Variants in RBFOX1 observed in about 807,000 individuals in gnomAD.
RBFOX1 encodes RNA binding protein fox-1 homolog 1.
Under a neutral mutation model 57.7 loss-of-function variants are expected in RBFOX1, and 8 were observed. The observed-to-expected ratio is 0.14, with a 90% confidence interval of 0.08 to 0.25. The LOEUF is 0.25. Among genes scored for constraint, RBFOX1 ranks in the 10% least tolerant of loss-of-function variants. The pLI is 1.00. For missense variants in RBFOX1, 611 were observed against 548.5 expected (o/e 1.11, Z -1.14); for synonymous variants, 326 against 222.4 (o/e 1.47, Z -4.15).
intron 4 of RBFOX1, among the ~76,000 whole-genome samples, chr16:7,455,656 G>C (rs572958002): frequency 2.6e-5 from 4 of 151,428 alleles, no homozygotes; most frequent in Non-Finnish European, 4.4e-5. Flanking sequence ...AATTAGCCAG[G>C]CGTGGTTGTA....
At chr16:6,554,064 G>A (rs1333085940) in intron 2 of RBFOX1, among the ~76,000 whole-genome samples, 1 of 150,404 alleles carries the variant, frequency 6.6e-6, no homozygotes, top group Non-Finnish European at 1.5e-5. Flanking sequence ...ATAAATAAGT[G>A]CTGGCCTTAA....
intron 2 of RBFOX1, among the ~76,000 whole-genome samples, chr16:6,528,429 A>T (rs1234166765): frequency 6.6e-6 from 1 of 152,200 alleles, no homozygotes; most frequent in African/African-American, 2.4e-5. Context: ...AGCCAATAAA[A>T]CATGACCTTG....
At chr16:6,845,183 T>G (rs555643219) in intron 3 of RBFOX1, among the ~76,000 whole-genome samples, 7 of 152,306 alleles carry the variant, frequency 4.6e-5, no homozygotes, top group African/African-American at 1.7e-4. Context: ...TTAGTTTAAT[T>G]AGATCCCATT....
At chr16:6,717,521 C>A (rs1263912654) in intron 3 of RBFOX1, among the ~76,000 whole-genome samples, 7 of 151,554 alleles carry the variant, frequency 4.6e-5, no homozygotes. Flanking sequence ...ATTTAACAAC[C>A]AAAAATTGTG....
intron 3 of RBFOX1, among the ~76,000 whole-genome samples, chr16:6,897,404 C>T (rs1279368255): frequency 1.3e-5 from 2 of 151,376 alleles, no homozygotes; most frequent in African/African-American, 4.9e-5. Flanking sequence ...CTCCGTCACA[C>T]ACACACAAAA....
At chr16:5,811,024 C>T (rs1167059097) in intron 3 of RBFOX1, among the ~76,000 whole-genome samples, 1 of 152,068 alleles carries the variant, frequency 6.6e-6, no homozygotes, top group African/African-American at 2.4e-5. Context: ...CCTTTGCAGT[C>T]CCTCGCTCCT....
At chr16:7,336,988 A>G (rs1467290756) in intron 4 of RBFOX1, among the ~76,000 whole-genome samples, 1 of 152,214 alleles carries the variant, frequency 6.6e-6, no homozygotes, top group African/African-American at 2.4e-5. Context: ...TGAGGGCTTT[A>G]CATAATCAGC....
rs1597837933 is a variant in RBFOX1 at position 6,478,975 on chromosome 16, A to C, written c.-64+161918A>C. Among the ~76,000 whole-genome samples, 4 of 152,342 alleles carry C rather than the reference A, an allele frequency of 2.6e-5. No individual in the cohort carries two copies. The South Asian group carries it at 8.3e-4, about 32-fold the overall frequency. ...AAAGTGAGCACTTGCTACTGAAAAA[A>C]AGTGGCACCAATAGACTTGCTCAGC... On this transcript the variant is annotated intron_variant, in intron 2 of 15. Transcript: ENST00000550418.
At chr16:7,684,196 C>G (rs1250675832) in intron 14 of RBFOX1, among the ~76,000 whole-genome samples, 1 of 152,072 alleles carries the variant, frequency 6.6e-6, no homozygotes, top group Non-Finnish European at 1.5e-5. Context: ...TGCATGTAAG[C>G]AGTCACCAGA....
At chr16:7,117,976 T>G (rs1203936210) in intron 4 of RBFOX1, among the ~76,000 whole-genome samples, 2 of 152,186 alleles carry the variant, frequency 1.3e-5, no homozygotes, top group Non-Finnish European at 2.9e-5. Flanking sequence ...TGCTATAATC[T>G]TATGCAATCA....
At chr16:5,844,121 G>C (rs911121732) in intron 3 of RBFOX1, among the ~76,000 whole-genome samples, 1 of 152,188 alleles carries the variant, frequency 6.6e-6, no homozygotes. Context: ...CTCCTTCTGA[G>C]ACTAAAGCTT....
chr16:6,938,630 G>C (rs913468640), intron 3 of RBFOX1, among the ~76,000 whole-genome samples: 1 of 152,038 alleles, frequency 6.6e-6, no homozygotes, highest in Non-Finnish European at 1.5e-5. Flanking sequence ...GTTTATAGGA[G>C]GACAATCTAG....
chr16:7,145,310 T>C (rs966838730), intron 4 of RBFOX1, among the ~76,000 whole-genome samples: 1 of 152,178 alleles, frequency 6.6e-6, no homozygotes, highest in Admixed American at 6.5e-5. Flanking sequence ...GTACAAGAGA[T>C]TCTCCTGCCT....
intron 2 of RBFOX1, among the ~76,000 whole-genome samples, chr16:6,544,505 T>C (rs920424959): frequency 3.3e-5 from 5 of 152,198 alleles, no homozygotes; most frequent in Admixed American, 3.3e-4. Context: ...ATTTTTCATG[T>C]GAATTCAACT....
intron 2 of RBFOX1, among the ~76,000 whole-genome samples, chr16:5,561,765 G>A (rs562652521): frequency 4.9e-4 from 75 of 152,236 alleles, no homozygotes; most frequent in African/African-American, 1.7e-3. Context: ...GGGTGAGAGG[G>A]TCACTTGTTC....
intron 1 of RBFOX1, among the ~76,000 whole-genome samples, chr16:6,081,362 C>G (rs180771365): frequency 2.5e-4 from 38 of 152,292 alleles, no homozygotes; most frequent in African/African-American, 8.9e-4. Flanking sequence ...TTCCGGAGTT[C>G]AGGTCTCTGT....
At chr16:7,544,700 C>T (rs2083916148) in intron 5 of RBFOX1, among the ~76,000 whole-genome samples, 1 of 152,156 alleles carries the variant, frequency 6.6e-6, no homozygotes, top group African/African-American at 2.4e-5. Context: ...TGAGAGATTA[C>T]CTTTCTTTTA....
rs558591813 is a variant in RBFOX1, at chr16:7,006,863, C to G, written c.-15-45194C>G. Among the ~76,000 whole-genome samples the G allele has an allele frequency of 1.5e-4, 23 of 152,330 alleles. 1 individual carries two copies. In the South Asian group the frequency reaches 4.6e-3, roughly 30 times the overall value. On this transcript the variant is annotated intron_variant, in intron 3 of 15. Coordinates refer to ENST00000550418, the MANE Select transcript of RBFOX1 (RefSeq NM_018723.4). The stretch of plus-strand genomic sequence containing the variant: ...AGTGGAATCACACTTTGAACCCTGC[C>G]ATTTTCTGTCTGAGCCTTTGTTCTG...
At chr16:6,483,362 G>T in intron 2 of RBFOX1, 1 of 1,502,512 alleles carries the variant, frequency 6.7e-7, no homozygotes, top group Non-Finnish European at 8.9e-7. Flanking sequence ...GCCCGGGCGA[G>T]CGAAGGCGCG....
Sources: gnomAD v4.1 joint callset for allele counts (sites outside exome capture counted in the v4.1 genomes callset) on GRCh38, gnomAD v4.1.1 for gene constraint, MANE v1.5 for transcripts, NCBI Gene and HGNC (gene_info 2026-07-23, HGNC 2026-07-21) for gene names.